SLIT2: variants seen among roughly 807,000 people sequenced by gnomAD.
SLIT2 encodes the protein slit guidance ligand 2, also known as slit homolog 2 protein.
In SLIT2, 41 loss-of-function variants were observed where a neutral mutation model predicts 185.7. The ratio of observed to expected loss-of-function variants is 0.22; its 90% CI spans 0.17 to 0.29. The LOEUF (loss-of-function observed/expected upper bound fraction) is 0.29, where lower values mean the gene tolerates loss of function less well. Ranked by LOEUF, SLIT2 falls within the 10% of genes least tolerant of loss-of-function variation. The probability of loss-of-function intolerance (pLI) is 1.00; values close to 1 mark genes in which losing one functional copy is unlikely to be tolerated. For synonymous variants in SLIT2, 693 were observed against 680.2 expected, an observed-to-expected ratio of 1.02 and a Z score of -0.29; for missense variants, 1,571 against 1,909.0, an observed-to-expected ratio of 0.82 and a Z score of 3.30.
At chr4:20,543,569 G>C (rs988136965) in intron 21 of SLIT2, among the ~76,000 whole-genome samples, 4 of 152,182 alleles carry the variant, frequency 2.6e-5, no homozygotes, top group Non-Finnish European at 5.9e-5. Flanking sequence ...TCAGTTATTT[G>C]TGCAGATGCA....
chr4:20,567,113 G>T (rs1473393547), intron 26 of SLIT2, 149 bp from the exon 27 acceptor site: 10 of 723,236 alleles, frequency 1.4e-5, no homozygotes, highest in Non-Finnish European at 2.1e-5. Flanking sequence ...GGAGGATGCT[G>T]ATTTCTGGCT....
At chr4:20,402,546 A>G (rs1294679678) in intron 4 of SLIT2, among the ~76,000 whole-genome samples, 1 of 151,924 alleles carries the variant, frequency 6.6e-6, no homozygotes, top group South Asian at 2.1e-4. Flanking sequence ...GCCTAAAGAA[A>G]TAAAAGGAAT....
chr4:20,380,789 A>G (rs188156784), intron 4 of SLIT2, among the ~76,000 whole-genome samples: 1 of 152,266 alleles, frequency 6.6e-6, no homozygotes, highest in Admixed American at 6.5e-5. Flanking sequence ...ATGGTGGCAT[A>G]TCATACATGC....
chr4:20,490,982 A>G (rs1717736010), intron 8 of SLIT2, among the ~76,000 whole-genome samples: 2 of 152,160 alleles, frequency 1.3e-5, no homozygotes, highest in South Asian at 4.1e-4. Context: ...TCCAGAAACC[A>G]TGCATGTCCA....
At chr4:20,368,219 CA>C (rs71653879) in intron 4 of SLIT2, among the ~76,000 whole-genome samples, 26,429 of 107,472 alleles carry the variant, frequency 0.25, 2,274 homozygotes, top group Middle Eastern at 0.33. Flanking sequence ...CACAAAATAG[CA>C]AAAAAAAAAA....
chr4:20,598,890 A>T (rs1446465024), intron 33 of SLIT2, among the ~76,000 whole-genome samples: 1 of 152,196 alleles, frequency 6.6e-6, no homozygotes, highest in Non-Finnish European at 1.5e-5. Flanking sequence ...CATGCCGGGA[A>T]AGAAGGAATC....
At chr4:20,535,599 C>T (rs1314749070) in intron 18 of SLIT2, among the ~76,000 whole-genome samples, 5 of 152,058 alleles carry the variant, frequency 3.3e-5, no homozygotes. Context: ...ACAACAGAAA[C>T]TGATTTTCTC....
At chr4:20,610,454 A>G (rs943354366) in intron 34 of SLIT2, among the ~76,000 whole-genome samples, 1 of 152,230 alleles carries the variant, frequency 6.6e-6, no homozygotes, top group African/African-American at 2.4e-5. Flanking sequence ...TTTATACATT[A>G]TATAATTTAA....
At chr4:20,487,025 A>G (rs976865250) in intron 7 of SLIT2, among the ~76,000 whole-genome samples, 2 of 152,144 alleles carry the variant, frequency 1.3e-5, no homozygotes, top group Admixed American at 6.5e-5. Context: ...TAAGTTGGGT[A>G]AATATATTTT....
chr4:20,465,713 C>T (rs963881176), intron 4 of SLIT2, among the ~76,000 whole-genome samples: 1 of 152,184 alleles, frequency 6.6e-6, no homozygotes, highest in African/African-American at 2.4e-5. Context: ...AAAGGAACGG[C>T]ATTCTGACTG....
rs149103180 is a variant in SLIT2 at position 20,532,916 on chromosome 4, A to G, written c.1689-656A>G. The stretch of plus-strand genomic sequence containing the variant: ...GTGCAATTCTCTCAGAGAAATTAAA[A>G]TATGCATAAAAATGATCCTTGTTTG... On this transcript the variant is annotated intron_variant, in intron 17 of 36. Transcript: ENST00000504154. Among the ~76,000 whole-genome samples, 84 of 152,352 alleles carry G rather than the reference A, an allele frequency of 5.5e-4. 1 individual carries two copies. The East Asian group carries it at 0.015, about 28-fold the overall frequency.
chr4:20,399,205 G>C (rs1411350106), intron 4 of SLIT2, among the ~76,000 whole-genome samples: 1 of 151,314 alleles, frequency 6.6e-6, no homozygotes, highest in African/African-American at 2.4e-5. Context: ...TTATGCTATG[G>C]CTGGATTATA....
chr4:20,504,945 G>A (rs1333005372), intron 9 of SLIT2, among the ~76,000 whole-genome samples: 15 of 134,834 alleles, frequency 1.1e-4, no homozygotes, highest in African/African-American at 3.8e-4. Flanking sequence ...CAGGCATATA[G>A]GAAAAAAAAG....
intron 8 of SLIT2, among the ~76,000 whole-genome samples, chr4:20,490,244 A>G (rs1444816007): frequency 6.6e-6 from 1 of 152,204 alleles, no homozygotes; most frequent in Non-Finnish European, 1.5e-5. Context: ...CTCCCTTATA[A>G]CAACTGTATG....
rs562890321 is a variant in SLIT2 at position 20,595,558 on chromosome 4, G to A, written c.3183-139G>A. 216 of 978,790 alleles carry A rather than the reference G, an allele frequency of 2.2e-4. 5 individuals are homozygous for A. In the South Asian group the frequency reaches 3.2e-3, roughly 15 times the overall value. The allele number at this position is 978,790 out of a possible 1,614,324, so 60.6% of individuals were successfully genotyped here. A position where few individuals can be genotyped will look rare whatever the true frequency, so the allele number is the denominator to read the frequency against. ...ACTGCAGAACAGTTCGATTTTCTAG[G>A]TATCCATTAATGTGGGGGCTCTATG... is the stretch of plus-strand genomic sequence containing the variant. On this transcript the variant is annotated intron_variant, in intron 30 of 36. Transcript: ENST00000504154.
At chr4:20,256,465 T>A (rs897169877) in intron 1 of SLIT2, among the ~76,000 whole-genome samples, 3 of 152,206 alleles carry the variant, frequency 2.0e-5, no homozygotes, top group African/African-American at 7.2e-5. Flanking sequence ...CATTTTCTTG[T>A]CATATGCCAG....
chr4:20,437,441 C>G (rs1033494670), intron 4 of SLIT2, among the ~76,000 whole-genome samples: 2 of 151,926 alleles, frequency 1.3e-5, no homozygotes, highest in Admixed American at 1.3e-4. Context: ...ATAGGGAGAC[C>G]CTGTCTCTAC....
At position 20,457,818 on chromosome 4, in the gene SLIT2, G is replaced by C. The variant is rs145001589; in HGVS notation, c.396-9934G>C. Among the ~76,000 whole-genome samples the C allele has an allele frequency of 1.8e-3, 278 of 152,300 alleles. 3 individuals carry two copies. Among genetic ancestry groups the C allele is most frequent in the Non-Finnish European group, 3.4e-3 (231 of 68,012 alleles). ...GCTAAATTGAATGAATGGAAGTGCA[G>C]AAAGTAAGATGGGCCAGTGCCTTTT... On this transcript the variant is annotated intron_variant, in intron 4 of 36. Transcript: ENST00000504154.
At chr4:20,611,374 A>T (rs1729210109) in intron 34 of SLIT2, among the ~76,000 whole-genome samples, 1 of 152,190 alleles carries the variant, frequency 6.6e-6, no homozygotes, top group Admixed American at 6.5e-5. Context: ...CAATTCTGTA[A>T]ATATTTATTG....
Sources: allele counts gnomAD v4.1 joint callset (sites outside exome capture counted in the v4.1 genomes callset), GRCh38; gene constraint gnomAD v4.1.1; transcripts MANE v1.5; gene names NCBI Gene and HGNC (gene_info 2026-07-23, HGNC 2026-07-21).